Variants in RBFOX1 observed in about 807,000 individuals in gnomAD.
The protein encoded by RBFOX1 is RNA binding protein fox-1 homolog 1.
A neutral mutation model predicts 57.7 loss-of-function variants in RBFOX1; 8 were observed. The observed-to-expected ratio is 0.14, with a 90% CI of 0.08 to 0.25. The LOEUF (loss-of-function observed/expected upper bound fraction) is 0.25. Among genes scored for constraint, RBFOX1 ranks in the 10% least tolerant of loss-of-function variants. The pLI, the probability that RBFOX1 is intolerant of heterozygous loss-of-function variation, is 1.00. For missense variants in RBFOX1, 611 were observed against 548.5 expected (o/e 1.11, Z -1.14); for synonymous variants, 326 against 222.4 (o/e 1.47, Z -4.15).
At chr16:7,548,319 G>C (rs2085216035) in intron 5 of RBFOX1, among the ~76,000 whole-genome samples, 1 of 152,058 alleles carries the variant, frequency 6.6e-6, no homozygotes. Flanking sequence ...ACTATGTCCG[G>C]CTAATTTTTG....
chr16:7,058,634 A>G (rs188443555), intron 4 of RBFOX1, among the ~76,000 whole-genome samples: 38 of 152,012 alleles, frequency 2.5e-4, no homozygotes, highest in African/African-American at 8.7e-4. Flanking sequence ...ATGCAAAAAA[A>G]GATTAAACTA....
At chr16:7,633,075 G>C (rs1050026774) in intron 11 of RBFOX1, among the ~76,000 whole-genome samples, 4 of 152,162 alleles carry the variant, frequency 2.6e-5, no homozygotes, top group Admixed American at 2.6e-4. Context: ...CCCATGGCCT[G>C]TGTTACAAGG....
At chr16:7,262,353 T>G (rs2153073557) in intron 4 of RBFOX1, among the ~76,000 whole-genome samples, 1 of 152,312 alleles carries the variant, frequency 6.6e-6, no homozygotes, top group Non-Finnish European at 1.5e-5. Flanking sequence ...ATCATGTACT[T>G]TTTTGAAAGT....
At chr16:7,155,710 A>T (rs1397840676) in intron 4 of RBFOX1, among the ~76,000 whole-genome samples, 6 of 61,242 alleles carry the variant, frequency 9.8e-5, no homozygotes, top group Non-Finnish European at 1.2e-4. Context: ...AAAAAAAAAA[A>T]AAATATATAT....
chr16:6,680,329 C>G (rs1350228809), intron 3 of RBFOX1, among the ~76,000 whole-genome samples: 1 of 133,014 alleles, frequency 7.5e-6, no homozygotes, highest in East Asian at 2.3e-4. Context: ...GTGGCGCCAT[C>G]TCAGCTCACT....
At chr16:7,476,019 G>A (rs528173719) in intron 4 of RBFOX1, among the ~76,000 whole-genome samples, 49 of 152,128 alleles carry the variant, frequency 3.2e-4, no homozygotes, top group Non-Finnish European at 6.5e-4. Context: ...AGGCTGGAGT[G>A]CAGTAGTTCG....
chr16:6,580,777 T>C (rs962125802), intron 2 of RBFOX1, among the ~76,000 whole-genome samples: 3 of 152,156 alleles, frequency 2.0e-5, no homozygotes, highest in Non-Finnish European at 4.4e-5. Context: ...AATGAAGCCC[T>C]GGAGTTTAGA....
At position 6,691,396 on chromosome 16, in the gene RBFOX1, C is replaced by G. The variant is rs532977053; in HGVS notation, c.-16+36746C>G. Among the ~76,000 whole-genome samples the G allele has an allele frequency of 3.2e-4, 48 of 152,326 alleles. No individual in the cohort carries two copies. The South Asian group carries it at 6.0e-3, about 19-fold the overall frequency. Reference sequence around the variant, plus strand: ...CTCTGTCCATTTCCACCTTCCCAATCCAAACTTGTCACTTTCAACACCTAT... The same window carrying G: ...CTCTGTCCATTTCCACCTTCCCAATGCAAACTTGTCACTTTCAACACCTAT... On this transcript the variant is annotated intron_variant, in intron 3 of 15. Coordinates refer to ENST00000550418, the MANE Select transcript of RBFOX1 (RefSeq NM_018723.4).
At chr16:5,827,423 AAAAG>A (rs1050415368) in intron 3 of RBFOX1, among the ~76,000 whole-genome samples, 9 of 149,842 alleles carry the variant, frequency 6.0e-5, no homozygotes, top group East Asian at 2.0e-4. Context: ...AAAAAAAAAG[AAAAG>A]AAAAAGCTGC....
chr16:7,687,084 GA>G (rs1172864308), intron 14 of RBFOX1, among the ~76,000 whole-genome samples: 6 of 152,122 alleles, frequency 3.9e-5, no homozygotes, highest in Admixed American at 3.3e-4. Flanking sequence ...TTCAAAAAGA[GA>G]TAGGTGTAGG....
At chr16:6,772,306 G>C (rs1333000875) in intron 3 of RBFOX1, among the ~76,000 whole-genome samples, 1 of 152,146 alleles carries the variant, frequency 6.6e-6, no homozygotes, top group Non-Finnish European at 1.5e-5. Flanking sequence ...CTAGTACAGA[G>C]GAAGGATCGA....
chr16:7,706,244 C>T (rs2148450353), intron 14 of RBFOX1, among the ~76,000 whole-genome samples: 1 of 152,294 alleles, frequency 6.6e-6, no homozygotes, highest in Non-Finnish European at 1.5e-5. Context: ...GACATGATCT[C>T]TTTTCCTCTG....
intron 4 of RBFOX1, among the ~76,000 whole-genome samples, chr16:5,901,721 G>A (rs17642774): frequency 0.06 from 9,191 of 152,280 alleles, 400 homozygotes; most frequent in Admixed American, 0.084. Context: ...GTTATAGGAC[G>A]TTTTCATCAC....
chr16:5,490,940 C>G (rs1597279379), intron 2 of RBFOX1, among the ~76,000 whole-genome samples: 1 of 152,242 alleles, frequency 6.6e-6, no homozygotes, highest in East Asian at 1.9e-4. Context: ...CGTAGTTACG[C>G]AAACCTAGAT....
intron 3 of RBFOX1, chr16:6,775,674 A>G (rs1344765292): frequency 6.6e-6 from 1 of 152,142 alleles, no homozygotes; most frequent in Non-Finnish European, 1.5e-5. Flanking sequence ...CTTCGGTCAA[A>G]CATCCCTTGT....
At chr16:7,578,286 A>G (rs139420737) in intron 5 of RBFOX1, among the ~76,000 whole-genome samples, 48 of 152,324 alleles carry the variant, frequency 3.2e-4, no homozygotes, top group African/African-American at 1.1e-3. Context: ...ACTGCTTCCT[A>G]TTCAATCCAA....
chr16:6,514,168 G>C (rs570682551), intron 2 of RBFOX1, among the ~76,000 whole-genome samples: 1 of 152,126 alleles, frequency 6.6e-6, no homozygotes, highest in Non-Finnish European at 1.5e-5. Context: ...TTCTGCTTTT[G>C]AGCCACTTAC....
At chr16:5,513,061 G>A (rs970988904) in intron 2 of RBFOX1, among the ~76,000 whole-genome samples, 6 of 152,144 alleles carry the variant, frequency 3.9e-5, no homozygotes, top group African/African-American at 1.2e-4. Context: ...GAAGGCAGGC[G>A]TGCACTACCA....
intron 5 of RBFOX1, among the ~76,000 whole-genome samples, chr16:7,571,821 T>TG (rs35552287): frequency 0.39 from 58,746 of 151,892 alleles, 11,767 homozygotes; most frequent in South Asian, 0.53. Flanking sequence ...GAGTTGTGCA[T>TG]GGCCTGAGAA....
Sources: allele counts gnomAD v4.1 joint callset (sites outside exome capture counted in the v4.1 genomes callset), GRCh38; gene constraint gnomAD v4.1.1; transcripts MANE v1.5; gene names NCBI Gene and HGNC (gene_info 2026-07-23, HGNC 2026-07-21).